GRM7: variants seen among roughly 807,000 people sequenced by gnomAD.
GRM7 encodes the protein glutamate metabotropic receptor 7, also known as metabotropic glutamate receptor 7.
GRM7 carries 35 observed loss-of-function variants against 84.5 expected under a neutral mutation model. That is an observed-to-expected ratio of 0.41 (90% confidence interval 0.32 to 0.55). GRM7 has a LOEUF of 0.55. Ranked by LOEUF, GRM7 falls within the 20% of genes least tolerant of loss-of-function variation. The pLI is 0.19. For missense variants in GRM7, 1,003 were observed against 1,194.6 expected (o/e 0.84, Z 2.36); for synonymous variants, 487 against 455.1 (o/e 1.07, Z -0.89).
intron 2 of GRM7, among the ~76,000 whole-genome samples, chr3:7,181,352 C>T (rs566750494): frequency 6.6e-6 from 1 of 152,194 alleles, no homozygotes; most frequent in African/African-American, 2.4e-5. Context: ...TGTAAGGGTT[C>T]TCTTTTCCTC....
At chr3:7,592,208 C>T (rs1439025216) in intron 8 of GRM7, among the ~76,000 whole-genome samples, 1 of 151,534 alleles carries the variant, frequency 6.6e-6, no homozygotes, top group Non-Finnish European at 1.5e-5. Flanking sequence ...CAGAGACAGA[C>T]TTTAAATGAA....
At chr3:7,455,398 A>G (rs1432966616) in intron 6 of GRM7, among the ~76,000 whole-genome samples, 2 of 152,148 alleles carry the variant, frequency 1.3e-5, no homozygotes, top group Non-Finnish European at 2.9e-5. Flanking sequence ...ATAACCAAAA[A>G]CAAAATAGTA....
intron 1 of GRM7, among the ~76,000 whole-genome samples, chr3:6,956,134 A>G (rs771341314): frequency 1.3e-5 from 2 of 152,228 alleles, no homozygotes; most frequent in Non-Finnish European, 2.9e-5. Context: ...TCAGCAACAC[A>G]TACAACTAGC....
At chr3:7,605,280 T>C (rs1005937236) in intron 8 of GRM7, among the ~76,000 whole-genome samples, 2 of 152,134 alleles carry the variant, frequency 1.3e-5, no homozygotes, top group Admixed American at 6.6e-5. Context: ...TATTTTATTA[T>C]TGGCAATTTG....
chr3:7,367,821 C>T (rs1033515020), intron 4 of GRM7, among the ~76,000 whole-genome samples: 6 of 151,644 alleles, frequency 4.0e-5, no homozygotes, highest in African/African-American at 9.7e-5. Context: ...ACCATCTAGA[C>T]GGGGTCCTGT....
intron 8 of GRM7, among the ~76,000 whole-genome samples, chr3:7,588,316 G>A (rs370500156): frequency 6.6e-6 from 1 of 152,140 alleles, no homozygotes; most frequent in African/African-American, 2.4e-5. Context: ...CATGCCACCT[G>A]CTGTGGAGTT....
chr3:7,048,844 T>C (rs1403230435), intron 1 of GRM7, among the ~76,000 whole-genome samples: 1 of 151,948 alleles, frequency 6.6e-6, no homozygotes, highest in Non-Finnish European at 1.5e-5. Context: ...TAAAATTTCA[T>C]ATTTTTTGAC....
Position 7,717,499 on chromosome 3 carries a change from G to A in GRM7, c.2699-22858G>A, listed in dbSNP as rs534721033. Among the ~76,000 whole-genome samples the A allele has an allele frequency of 3.9e-5, 6 of 152,268 alleles. No homozygotes were observed. The South Asian group carries it at 1.0e-3, about 26-fold the overall frequency. ...TCAAATACATCATCTCTGTGAGCTG[G>A]TCCTTAGGGAGGCAATGGATATACT... is the stretch of plus-strand genomic sequence containing the variant. On this transcript the variant is annotated intron_variant, in intron 9 of 9. Transcript: ENST00000357716.
intron 9 of GRM7, among the ~76,000 whole-genome samples, chr3:7,692,234 T>C (rs1040655570): frequency 2.0e-5 from 3 of 152,178 alleles, no homozygotes; most frequent in Non-Finnish European, 4.4e-5. Context: ...CCACCTGATA[T>C]ATGAACCACT....
At chr3:7,604,175 G>C (rs1195940454) in intron 8 of GRM7, among the ~76,000 whole-genome samples, 1 of 150,708 alleles carries the variant, frequency 6.6e-6, no homozygotes, top group Non-Finnish European at 1.5e-5. Flanking sequence ...GGAGATACTA[G>C]TAATTAGTAT....
chr3:7,547,526 G>A (rs2125021903), intron 7 of GRM7, among the ~76,000 whole-genome samples: 1 of 152,248 alleles, frequency 6.6e-6, no homozygotes, highest in East Asian at 1.9e-4. Context: ...TTAATAGCTA[G>A]AAGAGTGCTA....
intron 1 of GRM7, among the ~76,000 whole-genome samples, chr3:7,064,479 T>TATATATATATACACACACAC: frequency 6.0e-5 from 6 of 99,380 alleles, no homozygotes; most frequent in Non-Finnish European, 1.1e-4. Context: ...TATATATATA[T>TATATATATATACACACACAC]ACACACATAT....
chr3:7,087,222 T>C (rs1698488843), intron 1 of GRM7, among the ~76,000 whole-genome samples: 1 of 152,194 alleles, frequency 6.6e-6, no homozygotes, highest in Non-Finnish European at 1.5e-5. Context: ...GATTAAGGAA[T>C]GTTCCTGGAA....
intron 6 of GRM7, among the ~76,000 whole-genome samples, chr3:7,461,218 AAAT>A (rs1305803447): frequency 6.6e-6 from 1 of 152,188 alleles, no homozygotes; most frequent in African/African-American, 2.4e-5. Flanking sequence ...ATGGAAACTA[AAAT>A]AATAGTTAAA....
At chr3:7,211,963 C>G (rs1182456579) in intron 2 of GRM7, among the ~76,000 whole-genome samples, 1 of 150,924 alleles carries the variant, frequency 6.6e-6, no homozygotes, top group Non-Finnish European at 1.5e-5. Context: ...TTTTTTTTCT[C>G]CAATTAACTG....
At chr3:7,423,850 G>T (rs187013209) in intron 5 of GRM7, among the ~76,000 whole-genome samples, 3 of 152,026 alleles carry the variant, frequency 2.0e-5, no homozygotes, top group Non-Finnish European at 2.9e-5. Context: ...GTATGTGGGC[G>T]AACACATATG....
intron 1 of GRM7, among the ~76,000 whole-genome samples, chr3:6,864,313 C>T (rs1343786160): frequency 2.0e-5 from 3 of 152,198 alleles, no homozygotes; most frequent in Admixed American, 6.5e-5. Context: ...CCTGGTTAAT[C>T]ACTGCCCATG....
chr3:7,577,737 A>G (rs563666118), intron 7 of GRM7, among the ~76,000 whole-genome samples: 21 of 152,290 alleles, frequency 1.4e-4, no homozygotes, highest in Admixed American at 3.9e-4. Context: ...TTCTTATCAA[A>G]TACTTCCTGA....
chr3:6,890,794 T>G (rs1433531877), intron 1 of GRM7, among the ~76,000 whole-genome samples: 1 of 152,144 alleles, frequency 6.6e-6, no homozygotes, highest in East Asian at 1.9e-4. Context: ...CCTTGTTAAA[T>G]TTCTGTCTCG....
Sources: allele counts gnomAD v4.1 joint callset (sites outside exome capture counted in the v4.1 genomes callset), GRCh38; gene constraint gnomAD v4.1.1; transcripts MANE v1.5; gene names NCBI Gene and HGNC (gene_info 2026-07-23, HGNC 2026-07-21).